HMCN1: variants seen among roughly 807,000 people sequenced by gnomAD.
HMCN1 encodes the protein hemicentin-1.
A neutral mutation model predicts 625.9 loss-of-function variants in HMCN1; 321 were observed. That is an observed-to-expected ratio of 0.51 (90% CI 0.47 to 0.56). The LOEUF is 0.56. Ranked by LOEUF, HMCN1 falls within the 20% of genes least tolerant of loss-of-function variation. The pLI is 0.00. For missense variants in HMCN1, 6,588 were observed against 6,887.3 expected (o/e 0.96, Z 1.54); for synonymous variants, 2,425 against 2,417.6 (o/e 1.00, Z -0.09).
At chr1:185,927,072 T>C (rs1015253334) in intron 9 of HMCN1, among the ~76,000 whole-genome samples, 2 of 152,228 alleles carry the variant, frequency 1.3e-5, no homozygotes, top group Non-Finnish European at 2.9e-5. Context: ...TTACTTGTCC[T>C]TTCTGTATCT....
At position 186,152,711 on chromosome 1, in the gene HMCN1, A is replaced by AT. The variant is rs757959289; in HGVS notation, c.14897-32dup. ...TCTGCTCTGTGCTTACAGAAACCAT[A>AT]TTTTTTTGCTGTCAAAATGAATGTC... On this transcript the variant is annotated intron_variant, in intron 95 of 106. Coordinates refer to ENST00000271588, the MANE Select transcript of HMCN1 (RefSeq NM_031935.3). The AT allele has an allele frequency of 1.1e-4, 185 of 1,612,456 alleles. No homozygotes were observed. In the Middle Eastern group the frequency reaches 4.3e-3, roughly 37 times the overall value.
intron 40 of HMCN1, among the ~76,000 whole-genome samples, chr1:186,044,284 A>G (rs2102246346): frequency 6.6e-6 from 1 of 152,288 alleles, no homozygotes. Flanking sequence ...AGCAGAAGGA[A>G]CGAAGGAACA....
chr1:185,962,660 G>C lies in HMCN1; in HGVS notation c.1970+1G>C. On this transcript the variant is annotated splice_donor_variant, in intron 12 of 106. Transcript: ENST00000271588. LOFTEE classifies it high-confidence loss of function. ...ATATGTTTATCGTGGGTTCACACAG[G>C]TACTGGGTTTGTATCATGTTTTTGT... The C allele has an allele frequency of 6.5e-7, 1 of 1,544,322 alleles. No individual in the cohort carries two copies. Among genetic ancestry groups the C allele is most frequent in the Non-Finnish European group, 9.0e-7 (1 of 1,116,384 alleles).
intron 1 of HMCN1, among the ~76,000 whole-genome samples, chr1:185,821,011 A>T (rs987626216): frequency 4.0e-5 from 6 of 151,844 alleles, no homozygotes; most frequent in Admixed American, 2.6e-4. Context: ...TGAAAACATT[A>T]TGTACCTGTA....
At chr1:185,985,898 G>A (rs902587856) in intron 19 of HMCN1, among the ~76,000 whole-genome samples, 2 of 152,078 alleles carry the variant, frequency 1.3e-5, no homozygotes, top group African/African-American at 2.4e-5. Flanking sequence ...CAGTTTAATT[G>A]TCATATTGGT....
At chr1:185,854,786 T>C (rs1662362577) in intron 2 of HMCN1, among the ~76,000 whole-genome samples, 1 of 152,210 alleles carries the variant, frequency 6.6e-6, no homozygotes, top group Admixed American at 6.5e-5. Context: ...GTGATGTCTT[T>C]GTAAATCATA....
rs765068980 is a variant in HMCN1 at position 185,993,213 on chromosome 1, A to T, written c.3409A>T (p.Ile1137Phe). The T allele has an allele frequency of 3.7e-6, 6 of 1,612,274 alleles. No individual in the cohort carries two copies. The highest frequency in any genetic ancestry group is 4.2e-6 in the Non-Finnish European group (5 of 1,178,430). The part of the protein sequence containing the change: ...HTFLPSGSMK[I>F]TETRTSDSGM... ...ATTCCTCCCTTCTGGTTCAATGAAG[A>T]TCACTGAAACCCGCACTTCAGATAG... The change falls in exon 23 of 107, where the codon ATC (isoleucine) becomes TTC (phenylalanine). Residue 1137 changes from isoleucine to phenylalanine, a missense_variant. Coordinates refer to ENST00000271588, the MANE Select transcript of HMCN1 (RefSeq NM_031935.3).
At chr1:186,023,897 G>A (rs1654886001) in intron 36 of HMCN1, among the ~76,000 whole-genome samples, 1 of 152,036 alleles carries the variant, frequency 6.6e-6, no homozygotes, top group South Asian at 2.1e-4. Context: ...CTTAATTCCA[G>A]GTATATAGTA....
intron 1 of HMCN1, among the ~76,000 whole-genome samples, chr1:185,826,781 T>C (rs1355218866): frequency 6.6e-6 from 1 of 152,090 alleles, no homozygotes; most frequent in Non-Finnish European, 1.5e-5. Flanking sequence ...AAATCCTACA[T>C]CACAGGAAAA....
chr1:186,182,752 A>G (rs1214296436), intron 105 of HMCN1, among the ~76,000 whole-genome samples: 1 of 152,206 alleles, frequency 6.6e-6, no homozygotes, highest in African/African-American at 2.4e-5. Context: ...GTCTACATTG[A>G]TGTGGAACAA....
intron 1 of HMCN1, among the ~76,000 whole-genome samples, chr1:185,804,564 T>C (rs1165945166): frequency 2.0e-5 from 3 of 152,084 alleles, no homozygotes; most frequent in African/African-American, 7.2e-5. Context: ...TTTTTAGTAG[T>C]GTGGATTTTT....
In HMCN1 at chr1:185,835,535, T is replaced by G. The variant is rs531823208; in HGVS notation, c.269-10491T>G. ...GGGCTGAAATGCCTTTGGAGAAGAT[T>G]CAGACTGGAACAAAATAATTAACTT... On this transcript the variant is annotated intron_variant, in intron 1 of 106. Transcript: ENST00000271588. Among the ~76,000 whole-genome samples the G allele has an allele frequency of 4.6e-5, 7 of 152,212 alleles. No homozygotes were observed. The South Asian group carries it at 1.5e-3, about 32-fold the overall frequency.
intron 89 of HMCN1, among the ~76,000 whole-genome samples, chr1:186,143,037 C>A (rs898838763): frequency 1.3e-5 from 2 of 152,154 alleles, no homozygotes; most frequent in African/African-American, 4.8e-5. Flanking sequence ...ATATTTAAAG[C>A]CTTTCTTCTT....
At chr1:186,008,808 A>G (rs1424080195) in intron 30 of HMCN1, among the ~76,000 whole-genome samples, 1 of 152,186 alleles carries the variant, frequency 6.6e-6, no homozygotes, top group Non-Finnish European at 1.5e-5. Flanking sequence ...TAGTGATTGT[A>G]TCATCTTAAA....
intron 32 of HMCN1, 138 bp downstream of exon 32, chr1:186,016,377 T>C (rs1654370451): frequency 5.4e-6 from 4 of 746,662 alleles, no homozygotes; most frequent in Non-Finnish European, 8.7e-6. Context: ...GATTGCACAT[T>C]ACCAAGGGGT....
At chr1:185,753,584 G>A (rs895727654) in intron 1 of HMCN1, among the ~76,000 whole-genome samples, 3 of 151,592 alleles carry the variant, frequency 2.0e-5, no homozygotes, top group East Asian at 1.9e-4. Context: ...TTTTAACTTC[G>A]TCATTTATTT....
Position 185,923,512 on chromosome 1 carries a change from C to T in HMCN1, c.1144C>T (p.His382Tyr), listed in dbSNP as rs753588061. Residue 382 changes from histidine to tyrosine, a missense_variant, in exon 8 of 107, where the codon CAT becomes TAT. This residue lies in a region of HMCN1 where 4,628 missense variants were observed against 4,853.1 expected (regional missense o/e 0.95). Transcript: ENST00000271588. Reference protein sequence around the residue: ...LKTIPVKYYPHRKPYGIWNIS... With the variant: ...LKTIPVKYYPYRKPYGIWNIS... ...GACTATTCCTGTTAAATATTACCCA[C>T]ATCGAAAACCTTATGGCATATGGAA... 1.2e-6 allele frequency: 2 copies of T among 1,612,410 alleles called. No individual in the cohort carries two copies. Among genetic ancestry groups the T allele is most frequent in the Admixed American group, 1.7e-5 (1 of 60,016 alleles).
At chr1:185,780,628 C>T (rs1245499989) in intron 1 of HMCN1, among the ~76,000 whole-genome samples, 1 of 152,162 alleles carries the variant, frequency 6.6e-6, no homozygotes, top group African/African-American at 2.4e-5. Flanking sequence ...GTCTTTGGTT[C>T]TGTTTATATG....
intron 1 of HMCN1, among the ~76,000 whole-genome samples, chr1:185,775,429 T>A (rs1360847865): frequency 6.6e-6 from 1 of 151,768 alleles, no homozygotes; most frequent in African/African-American, 2.4e-5. Context: ...AAGAAAAAAA[T>A]GGAATGAGTG....
Sources: gnomAD v4.1 joint callset for allele counts (sites outside exome capture counted in the v4.1 genomes callset) on GRCh38, gnomAD v4.1.1 for gene constraint, gnomAD v4.1.1 regional missense constraint, MANE v1.5 for transcripts, NCBI Gene and HGNC (gene_info 2026-07-23, HGNC 2026-07-21) for gene names.